EFR3B: variants seen among roughly 807,000 people sequenced by gnomAD.
EFR3B encodes the protein protein EFR3 homolog B.
A neutral mutation model predicts 104.7 loss-of-function variants in EFR3B; 64 were observed. The observed-to-expected ratio is 0.61, with a 90% CI of 0.50 to 0.75. The LOEUF (loss-of-function observed/expected upper bound fraction) is 0.75, where lower values mean the gene tolerates loss of function less well. Among genes scored for constraint, EFR3B ranks in the 30% least tolerant of loss-of-function variants. EFR3B has a pLI of 0.00. For synonymous variants in EFR3B, 385 were observed against 417.9 expected, an observed-to-expected ratio of 0.92 and a Z score of 0.96; for missense variants, 750 against 1,078.5, an observed-to-expected ratio of 0.70 and a Z score of 4.27.
chr2:25,102,887 A>G (rs1309991166), intron 3 of EFR3B, among the ~76,000 whole-genome samples: 4 of 152,208 alleles, frequency 2.6e-5, no homozygotes, highest in Non-Finnish European at 4.4e-5. Context: ...TGTCTGTCTT[A>G]TTCCCTAAGT....
chr2:25,103,762 A>G lies in EFR3B; in HGVS notation c.338A>G (p.Asn113Ser). The G allele has an allele frequency of 1.3e-6, 2 of 1,551,456 alleles. No homozygotes were observed. The highest frequency in any genetic ancestry group is 1.7e-6 in the Non-Finnish European group (2 of 1,146,888). ...VAKLLESEKPNLQILGTNSFV... is the reference protein window; with the variant it reads ...VAKLLESEKPSLQILGTNSFV... The stretch of plus-strand genomic sequence containing the variant: ...AAGCTGCTGGAGTCAGAGAAACCCA[A>G]CCTGCAGATCCTCGGCACCAACTCG... The change falls in exon 4 of 23, where the codon AAC (asparagine) becomes AGC (serine). Residue 113 changes from asparagine to serine, a missense_variant. Asn to Ser is a conservative substitution (Grantham distance 46, BLOSUM62 1). Transcript: ENST00000403714.
chr2:25,096,247 C>G (rs1203942337), intron 3 of EFR3B, among the ~76,000 whole-genome samples: 1 of 152,156 alleles, frequency 6.6e-6, no homozygotes, highest in Non-Finnish European at 1.5e-5. Context: ...AACTTCTGAC[C>G]TCGTGATCCA....
intron 4 of EFR3B, among the ~76,000 whole-genome samples, chr2:25,105,063 A>G (rs1184403335): frequency 6.6e-6 from 1 of 152,190 alleles, no homozygotes; most frequent in East Asian, 1.9e-4. Flanking sequence ...CAACTATTTT[A>G]CAGATCTTAA....
At chr2:25,073,013 A>G (rs978773459) in intron 1 of EFR3B, among the ~76,000 whole-genome samples, 3 of 152,268 alleles carry the variant, frequency 2.0e-5, no homozygotes, top group African/African-American at 7.2e-5. Context: ...GAAAGTGTAA[A>G]CAAGATATAT....
chr2:25,123,555 GT>G (rs1348560286), intron 5 of EFR3B, among the ~76,000 whole-genome samples: 1 of 152,150 alleles, frequency 6.6e-6, no homozygotes, highest in East Asian at 1.9e-4. Flanking sequence ...CCAGAGTGGG[GT>G]ATGGGAGGAA....
intron 4 of EFR3B, among the ~76,000 whole-genome samples, chr2:25,115,150 C>T (rs1310272353): frequency 6.6e-6 from 1 of 152,160 alleles, no homozygotes; most frequent in African/African-American, 2.4e-5. Context: ...CTCTGCACTC[C>T]AGCCTGGGCG....
chr2:25,092,225 T>C (rs1001608170), intron 2 of EFR3B, among the ~76,000 whole-genome samples: 1 of 151,656 alleles, frequency 6.6e-6, no homozygotes, highest in Non-Finnish European at 1.5e-5. Flanking sequence ...CGTGCCACCA[T>C]GCCCAGCTAA....
chr2:25,121,845 G>A (rs943518631), intron 5 of EFR3B, 51 bp downstream of exon 5: 3 of 1,550,602 alleles, frequency 1.9e-6, no homozygotes, highest in East Asian at 2.4e-5. Context: ...CAGAAGCAAC[G>A]GTGGGTCCTG....
At chr2:25,107,262 C>G (rs1337736736) in intron 4 of EFR3B, among the ~76,000 whole-genome samples, 1 of 152,124 alleles carries the variant, frequency 6.6e-6, no homozygotes. Flanking sequence ...ACAAGGCAAC[C>G]CCCGGCCTTG....
intron 1 of EFR3B, chr2:25,081,540 G>A (rs1668806909): frequency 2.9e-6 from 3 of 1,049,292 alleles, no homozygotes; most frequent in African/African-American, 1.6e-5. Flanking sequence ...AGAGATTCCT[G>A]TGCTATTGCT....
intron 1 of EFR3B, among the ~76,000 whole-genome samples, chr2:25,053,510 G>A (rs1226860849): frequency 6.6e-6 from 1 of 152,224 alleles, no homozygotes; most frequent in African/African-American, 2.4e-5. Context: ...TTAGAGATTG[G>A]TTCCGTGGTC....
intron 6 of EFR3B, 41 bp downstream of exon 6, chr2:25,128,373 A>G (rs535665541): frequency 6.5e-7 from 1 of 1,549,734 alleles, no homozygotes; most frequent in South Asian, 1.2e-5. Context: ...GATATAATCA[A>G]CCCTCCAAGG....
intron 1 of EFR3B, among the ~76,000 whole-genome samples, chr2:25,079,657 C>T (rs1001845826): frequency 7.9e-5 from 12 of 152,102 alleles, no homozygotes; most frequent in African/African-American, 2.9e-4. Flanking sequence ...TTGCAAGTTA[C>T]ATTTTGTAGG....
chr2:25,143,953 TTGCCTG>T lies in EFR3B; in HGVS notation c.2050+94_2050+99del, dbSNP rs1467166643. The T allele has an allele frequency of 4.8e-6, 7 of 1,454,030 alleles. No homozygotes were observed. The South Asian group carries it at 8.6e-5, about 18-fold the overall frequency. The allele number at this position is 1,454,030 out of a possible 1,614,324, so 90.1% of individuals were successfully genotyped here. A position where few individuals can be genotyped will look rare whatever the true frequency, so the allele number is the denominator to read the frequency against. On this transcript the variant is annotated intron_variant, in intron 18 of 22. Transcript: ENST00000403714. ...GCATAAGGGACTTATAGCCCTTTGA[TTGCCTG>T]TGAGGCACCTTGGATGTCGTGAGAG... is the stretch of plus-strand genomic sequence containing the variant.
chr2:25,123,967 C>T (rs984823867), intron 5 of EFR3B, among the ~76,000 whole-genome samples: 2 of 152,216 alleles, frequency 1.3e-5, no homozygotes, highest in Non-Finnish European at 2.9e-5. Flanking sequence ...CACAGGCTGG[C>T]GCTGGTCACC....
At chr2:25,079,505 C>A (rs543383983) in intron 1 of EFR3B, among the ~76,000 whole-genome samples, 21 of 152,164 alleles carry the variant, frequency 1.4e-4, no homozygotes, top group Non-Finnish European at 2.5e-4. Context: ...TGTTACGAGA[C>A]TTATATGAAA....
At chr2:25,135,758 G>C (rs1191915900) in intron 13 of EFR3B, 119 bp downstream of exon 13, 10 of 1,189,128 alleles carry the variant, frequency 8.4e-6, no homozygotes, top group Admixed American at 2.3e-5. Flanking sequence ...AGTATTGTGG[G>C]ATCTGAGTAT....
chr2:25,119,291 T>C (rs1669951076), intron 4 of EFR3B, among the ~76,000 whole-genome samples: 1 of 152,238 alleles, frequency 6.6e-6, no homozygotes, highest in Non-Finnish European at 1.5e-5. Flanking sequence ...CAGAGCTAGA[T>C]CTGCATTTAG....
At chr2:25,065,839 G>A (rs1411531782) in intron 1 of EFR3B, among the ~76,000 whole-genome samples, 1 of 152,184 alleles carries the variant, frequency 6.6e-6, no homozygotes, top group Non-Finnish European at 1.5e-5. Flanking sequence ...CACTCACCCA[G>A]TGTGAATGGG....
Sources: gnomAD v4.1 joint callset for allele counts (sites outside exome capture counted in the v4.1 genomes callset) on GRCh38, gnomAD v4.1.1 for gene constraint, MANE v1.5 for transcripts, NCBI Gene and HGNC (gene_info 2026-07-23, HGNC 2026-07-21) for gene names.